Variants in TLE2 observed in about 807,000 individuals in gnomAD.
TLE2 encodes the protein TLE family member 2, transcriptional corepressor, also known as transducin-like enhancer protein 2.
A neutral mutation model predicts 97.2 loss-of-function variants in TLE2; 74 were observed. That is an observed-to-expected ratio of 0.76 (90% CI 0.63 to 0.92). The LOEUF is 0.92. Ranked by LOEUF, TLE2 falls within the 40% of genes least tolerant of loss-of-function variation. The pLI, the probability that TLE2 is intolerant of heterozygous loss-of-function variation, is 0.00. For synonymous variants in TLE2, 499 were observed against 432.1 expected (o/e 1.15, Z -1.92); for missense variants, 1,038 against 1,008.7 (o/e 1.03, Z -0.39).
chr19:3,041,014 T>TATATACATATATATATATATA (rs55998855), intron 1 of TLE2, among the ~76,000 whole-genome samples: 1 of 20,168 alleles, frequency 5.0e-5, no homozygotes, highest in African/African-American at 2.1e-4. Context: ...TATATATATA[T>TATATACATATATATATATATA]TTTTTTTTTT....
chr19:3,007,393 G>A (rs1364871643), intron 14 of TLE2, among the ~76,000 whole-genome samples: 1 of 152,106 alleles, frequency 6.6e-6, no homozygotes, highest in East Asian at 1.9e-4. Context: ...CCCAGCCTCT[G>A]ATGCATTTTT....
At chr19:2,999,110 C>T (rs1157171849) in intron 19 of TLE2, among the ~76,000 whole-genome samples, 6 of 151,886 alleles carry the variant, frequency 4.0e-5, no homozygotes, top group African/African-American at 1.5e-4. Context: ...GGGGAATCCC[C>T]GTCTCTACTA....
chr19:3,005,004 A>T (rs888152541), intron 17 of TLE2, among the ~76,000 whole-genome samples: 1 of 151,956 alleles, frequency 6.6e-6, no homozygotes, highest in African/African-American at 2.4e-5. Flanking sequence ...GGATCTCTCC[A>T]TGCCCAGCTC....
chr19:3,023,056 C>CTTCTT (rs747351556), intron 5 of TLE2, among the ~76,000 whole-genome samples: 25 of 135,418 alleles, frequency 1.8e-4, no homozygotes, highest in Admixed American at 8.9e-4. Flanking sequence ...TTTACCTAAT[C>CTTCTT]TTTTTTTTTT....
At position 3,002,518 on chromosome 19, in the gene TLE2, G is replaced by T; in HGVS notation, c.1897-15C>A. ...AGGGAGAAAATCTGGGGGTAAAGAGGGAAGAGATGGGGTCACGAGCCCCTC... is the reference window on the plus strand; with the variant it reads ...AGGGAGAAAATCTGGGGGTAAAGAGTGAAGAGATGGGGTCACGAGCCCCTC... On this transcript the variant is annotated splice_polypyrimidine_tract_variant and intron_variant, in intron 17 of 19. Coordinates refer to ENST00000262953, the MANE Select transcript of TLE2 (RefSeq NM_003260.5). 1 of 1,551,646 alleles carries T rather than the reference G, an allele frequency of 6.4e-7. No individual in the cohort carries two copies. Among genetic ancestry groups the T allele is most frequent in the South Asian group, 1.2e-5 (1 of 84,586 alleles).
chr19:3,031,867 A>G (rs1296609260), upstream of TLE2, among the ~76,000 whole-genome samples: 1 of 151,182 alleles, frequency 6.6e-6, no homozygotes, highest in African/African-American at 2.4e-5. Context: ...TTATTTTCAC[A>G]CTCTCCATCC....
At chr19:3,044,171 CAAAA>C (rs112268932) in intron 1 of TLE2, among the ~76,000 whole-genome samples, 4 of 140,150 alleles carry the variant, frequency 2.9e-5, no homozygotes, top group African/African-American at 1.0e-4. Flanking sequence ...TCCGTCTCAC[CAAAA>C]AAAAAAACAA....
chr19:3,019,899 T>C lies in TLE2; in HGVS notation c.295-126A>G, dbSNP rs2089802500. The C allele has an allele frequency of 1.6e-6, 2 of 1,289,906 alleles. No homozygotes were observed. The highest frequency in any genetic ancestry group is 2.1e-6 in the Non-Finnish European group (2 of 945,508). 79.9% of individuals were successfully genotyped at this position (1,289,906 alleles called of 1,614,324 possible). ...GCCCCGGTACTTCCCATTTCTCTTTTATCTTTTTCCCTCTCACTCTCTCCC... is the reference window on the plus strand; with the variant it reads ...GCCCCGGTACTTCCCATTTCTCTTTCATCTTTTTCCCTCTCACTCTCTCCC... On this transcript the variant is annotated intron_variant, in intron 5 of 19. Coordinates refer to ENST00000262953, the MANE Select transcript of TLE2 (RefSeq NM_003260.5). The surrounding 1 kb of genome is among the most constrained non-coding windows in gnomAD (Gnocchi z 5.1).
intron 1 of TLE2, among the ~76,000 whole-genome samples, chr19:3,037,312 CAA>C (rs1048124255): frequency 1.3e-5 from 2 of 151,998 alleles, no homozygotes; most frequent in Admixed American, 6.6e-5. Context: ...CAAAACAAAA[CAA>C]AAAGATGTTG....
Position 3,019,755 on chromosome 19 carries a change from G to A in TLE2, c.313C>T (p.Gln105Ter), listed in dbSNP as rs751950893. Residue 105 changes from glutamine (Q) to a stop codon, truncating the protein, a stop_gained, in exon 6 of 20, where the codon CAG becomes TAG. Coordinates refer to ENST00000262953, the MANE Select transcript of TLE2 (RefSeq NM_003260.5). LOFTEE classifies it high-confidence loss of function. The surrounding 1 kb of genome is among the most constrained non-coding windows in gnomAD (Gnocchi z 5.1). ...LTQEHQQQVL[Q>*]AVERAKQVTV... Reference sequence around the variant, plus strand: ...ACCTGCTTGGCGCGTTCTACGGCCTGGAGCACCTGCTGCTGATGCTGGCGG... The same window carrying A: ...ACCTGCTTGGCGCGTTCTACGGCCTAGAGCACCTGCTGCTGATGCTGGCGG... The A allele has an allele frequency of 4.3e-6, 7 of 1,613,154 alleles. No homozygotes were observed. The highest frequency in any genetic ancestry group is 5.1e-6 in the Non-Finnish European group (6 of 1,179,650).
chr19:3,004,468 T>A (rs1187783719), intron 17 of TLE2, among the ~76,000 whole-genome samples: 1 of 151,852 alleles, frequency 6.6e-6, no homozygotes, highest in Non-Finnish European at 1.5e-5. Flanking sequence ...TGAAACCCTG[T>A]CTCTACCGAC....
chr19:3,011,373 C>CA (rs546662030), intron 11 of TLE2, among the ~76,000 whole-genome samples: 1 of 151,316 alleles, frequency 6.6e-6, no homozygotes, highest in East Asian at 1.9e-4. Flanking sequence ...ACTAAAAATA[C>CA]AAAAAAAGAT....
intron 5 of TLE2, among the ~76,000 whole-genome samples, chr19:3,023,123 C>T (rs1039839639): frequency 1.3e-5 from 2 of 150,540 alleles, no homozygotes; most frequent in African/African-American, 4.9e-5. Flanking sequence ...GGTGCGAACT[C>T]GGCTCACTGC....
chr19:3,031,342 TTG>T (rs60898410), upstream of TLE2, among the ~76,000 whole-genome samples: 32,202 of 138,834 alleles, frequency 0.23, 3,714 homozygotes, highest in Non-Finnish European at 0.25. Flanking sequence ...AAAGATACAA[TTG>T]TGTGTGTGTG....
chr19:3,014,665 C>T, intron 9 of TLE2, 51 bp from the exon 10 acceptor site: 2 of 1,509,272 alleles, frequency 1.3e-6, no homozygotes, highest in Non-Finnish European at 1.8e-6. Flanking sequence ...CCTGCCTCCA[C>T]ACCCCCTATC....
At chr19:3,045,054 C>CA (rs918202225) in intron 1 of TLE2, among the ~76,000 whole-genome samples, 116 of 148,562 alleles carry the variant, frequency 7.8e-4, no homozygotes, top group East Asian at 4.2e-3. Context: ...CTTGTCCCTA[C>CA]AAAAAAAAAA....
At chr19:3,029,513 G>T (rs1222883205), upstream of TLE2, 69 of 963,966 alleles carry the variant, frequency 7.2e-5, no homozygotes, top group Admixed American at 1.4e-3. Context: ...GGCGGGAGAA[G>T]AAAAACCAGT....
intron 11 of TLE2, among the ~76,000 whole-genome samples, chr19:3,012,878 G>A (rs747245256): frequency 6.6e-6 from 1 of 152,220 alleles, no homozygotes; most frequent in African/African-American, 2.4e-5. Context: ...GCACCCGCGA[G>A]AGAGTGGATG....
chr19:3,031,915 G>A (rs772480892), upstream of TLE2, among the ~76,000 whole-genome samples: 5 of 152,012 alleles, frequency 3.3e-5, no homozygotes, highest in Non-Finnish European at 7.4e-5. Context: ...CATAGTGTGT[G>A]GCTTTTTGTT....
Sources: gnomAD v4.1 joint callset for allele counts (sites outside exome capture counted in the v4.1 genomes callset) on GRCh38, gnomAD v4.1.1 for gene constraint, Gnocchi (gnomAD v3.1) non-coding constraint, MANE v1.5 for transcripts, NCBI Gene and HGNC (gene_info 2026-07-23, HGNC 2026-07-21) for gene names.